The following UPF2 variants were observed in gnomAD, a reference collection of about 807,000 sequenced individuals.
The protein encoded by UPF2 is UPF2 regulator of nonsense mediated mRNA decay.
In UPF2, 17 loss-of-function variants were observed where a neutral mutation model predicts 141.4. The observed-to-expected ratio is 0.12, with a 90% CI of 0.08 to 0.18. The LOEUF is 0.18. UPF2 is among the 10% of genes least tolerant of loss of function. The probability of loss-of-function intolerance (pLI) is 1.00; values close to 1 mark genes in which losing one functional copy is unlikely to be tolerated. For missense variants in UPF2, 1,152 were observed against 1,515.9 expected (o/e 0.76, Z 3.99); for synonymous variants, 540 against 498.0 (o/e 1.08, Z -1.12).
chr10:11,928,334 C>T (rs1832737791), intron 21 of UPF2, among the ~76,000 whole-genome samples: 1 of 151,436 alleles, frequency 6.6e-6, no homozygotes, highest in Non-Finnish European at 1.5e-5. Flanking sequence ...GAGATTCGGT[C>T]TCAAAAAAAA....
rs1160131484 is a variant in UPF2, at chr10:11,936,830, A to C, written c.3379-118T>G. ...TTAAAACACAACAATCATAAGAGCC[A>C]TAACAGTCAACAATTACAACCACCA... is the stretch of plus-strand genomic sequence containing the variant. On this transcript the variant is annotated intron_variant, in intron 18 of 21. Coordinates refer to ENST00000357604, the MANE Select transcript of UPF2 (RefSeq NM_015542.4). This position sits in a 1 kb window ranked among gnomAD's most constrained non-coding sequence, Gnocchi z 6.6. 22 of 989,358 alleles carry C rather than the reference A, an allele frequency of 2.2e-5. No individual in the cohort carries two copies. In the South Asian group the frequency reaches 2.6e-4, roughly 12 times the overall value. The allele number at this position is 989,358 out of a possible 1,614,324, so 61.3% of individuals were successfully genotyped here.
chr10:12,024,741 T>A (rs1004569397), intron 3 of UPF2, among the ~76,000 whole-genome samples: 1 of 151,802 alleles, frequency 6.6e-6, no homozygotes, highest in Non-Finnish European at 1.5e-5. Flanking sequence ...GAGATCAGCC[T>A]GAGCAACATA....
At chr10:11,986,051 A>AT (rs1165406664) in intron 8 of UPF2, among the ~76,000 whole-genome samples, 1 of 151,328 alleles carries the variant, frequency 6.6e-6, no homozygotes, top group Non-Finnish European at 1.5e-5. Context: ...AGCCCGGCTA[A>AT]TTTTTTGTAT....
intron 9 of UPF2, among the ~76,000 whole-genome samples, chr10:11,969,753 G>A (rs576497984): frequency 3.3e-5 from 5 of 152,194 alleles, no homozygotes; most frequent in Non-Finnish European, 5.9e-5. Context: ...CAGTTTTGCT[G>A]GATTTCAATC....
rs1832650454 is a variant in UPF2 at position 11,921,942 on chromosome 10, G to A, written c.3810-635C>T. ...GACCGTATTTGGAAACAAGGTTGCTGTAGACGTAATTACTTCAGATAAGGC... is the reference window on the plus strand; with the variant it reads ...GACCGTATTTGGAAACAAGGTTGCTATAGACGTAATTACTTCAGATAAGGC... On this transcript the variant is annotated intron_variant, in intron 21 of 21. Transcript: ENST00000357604. The surrounding 1 kb of genome is among the most constrained non-coding windows in gnomAD (Gnocchi z 5.9). Among the ~76,000 whole-genome samples, 1 of 152,216 alleles carries A rather than the reference G, an allele frequency of 6.6e-6. No individual in the cohort carries two copies. The highest frequency in any genetic ancestry group is 2.4e-5 in the African/African-American group (1 of 41,454).
chr10:11,967,286 A>G, intron 10 of UPF2, 55 bp downstream of exon 10: 2 of 1,028,588 alleles, frequency 1.9e-6, no homozygotes, highest in Admixed American at 3.1e-5. Flanking sequence ...TCCACCATTT[A>G]TAATTAAAAC....
At chr10:11,966,648 T>C (rs1833325878) in intron 10 of UPF2, among the ~76,000 whole-genome samples, 1 of 152,196 alleles carries the variant, frequency 6.6e-6, no homozygotes, top group Non-Finnish European at 1.5e-5. Context: ...GGTCTCGAAC[T>C]CCCGATCTCA....
At chr10:11,963,957 G>T in intron 11 of UPF2, 52 bp downstream of exon 11, 2 of 1,307,810 alleles carry the variant, frequency 1.5e-6, no homozygotes, top group Non-Finnish European at 2.2e-6. Context: ...AACCTCTGAA[G>T]CACAGGTAAA....
intron 1 of UPF2, among the ~76,000 whole-genome samples, chr10:12,041,424 G>A (rs1834731888): frequency 6.6e-6 from 1 of 152,112 alleles, no homozygotes; most frequent in Non-Finnish European, 1.5e-5. Flanking sequence ...CACTTGAACT[G>A]TATATTTTAT....
At chr10:12,023,834 T>C (rs1834361618) in intron 3 of UPF2, among the ~76,000 whole-genome samples, 1 of 151,456 alleles carries the variant, frequency 6.6e-6, no homozygotes, top group Admixed American at 6.6e-5. Flanking sequence ...CCACCAAAAA[T>C]ACAAAAAATT....
intron 10 of UPF2, among the ~76,000 whole-genome samples, chr10:11,966,171 T>G (rs930749634): frequency 6.6e-6 from 1 of 152,240 alleles, no homozygotes; most frequent in Non-Finnish European, 1.5e-5. Flanking sequence ...CTGTTGGATA[T>G]AGTATAAATT....
In UPF2 at chr10:11,921,406, C is replaced by T. The variant is rs1832642934; in HGVS notation, c.3810-99G>A. ...CGCTACCCACCACCACCAAGTCACT[C>T]CCCCAAGTTACAGGTGGCCCTGGCA... On this transcript the variant is annotated intron_variant, in intron 21 of 21. Coordinates refer to ENST00000357604, the MANE Select transcript of UPF2 (RefSeq NM_015542.4). This position sits in a 1 kb window ranked among gnomAD's most constrained non-coding sequence, Gnocchi z 5.9. 1.3e-6 allele frequency: 2 copies of T among 1,491,988 alleles called. No individual in the cohort carries two copies. The highest frequency in any genetic ancestry group is 1.4e-5 in the African/African-American group (1 of 72,276). 92.4% of individuals were successfully genotyped at this position (1,491,988 alleles called of 1,614,324 possible).
In UPF2 at chr10:11,998,940, A is replaced by G. The variant is rs189009239; in HGVS notation, c.1758+966T>C. 3.8e-3 allele frequency among the ~76,000 whole-genome samples: 578 copies of G among 150,132 alleles called. 1 individual carries two copies. The highest frequency in any genetic ancestry group is 0.013 in the African/African-American group (544 of 40,922). On this transcript the variant is annotated intron_variant, in intron 7 of 21. Transcript: ENST00000357604. The surrounding 1 kb of genome is among the most constrained non-coding windows in gnomAD (Gnocchi z 4.5). ...CTCAGGAGGCTGAGGCAGGAGAATC[A>G]CTTGAATCTGGGAGACAAAGGTTGC... is the stretch of plus-strand genomic sequence containing the variant.
chr10:11,920,777 C>T lies in UPF2; in HGVS notation c.*521G>A. On this transcript the variant is annotated 3_prime_UTR_variant, in exon 22 of 22. Transcript: ENST00000357604. ...GGATATCTTTCATCATTTTGTTGTC[C>T]TGCATGTAAGTTTTACTAGAAGATT... 3.5e-6 allele frequency: 1 copy of T among 283,158 alleles called. No individual in the cohort carries two copies. The highest frequency in any genetic ancestry group is 7.0e-6 in the Non-Finnish European group (1 of 142,016). 17.5% of individuals were successfully genotyped at this position (283,158 alleles called of 1,614,324 possible). A position where few individuals can be genotyped will look rare whatever the true frequency, so the allele number is the denominator to read the frequency against.
At chr10:11,995,983 G>A (rs928903914) in intron 8 of UPF2, among the ~76,000 whole-genome samples, 4 of 152,002 alleles carry the variant, frequency 2.6e-5, no homozygotes, top group African/African-American at 7.2e-5. Context: ...GACTCAATCA[G>A]TCAGTTCCAC....
chr10:12,037,818 C>T lies in UPF2; in HGVS notation c.-18-2377G>A, dbSNP rs183715026. On this transcript the variant is annotated intron_variant, in intron 1 of 21. Coordinates refer to ENST00000357604, the MANE Select transcript of UPF2 (RefSeq NM_015542.4). ...TTGTAATATTGATATTTTTTAAATACAAAAATACTTTACTTCAGTACTCTA... is the reference window on the plus strand; with the variant it reads ...TTGTAATATTGATATTTTTTAAATATAAAAATACTTTACTTCAGTACTCTA... Among the ~76,000 whole-genome samples, 146 of 152,100 alleles carry T rather than the reference C, an allele frequency of 9.6e-4. 2 individuals are homozygous for T. The East Asian group carries it at 0.024, about 25-fold the overall frequency.
intron 8 of UPF2, among the ~76,000 whole-genome samples, chr10:11,993,878 A>G (rs2131254622): frequency 6.6e-6 from 1 of 152,258 alleles, no homozygotes; most frequent in South Asian, 2.1e-4. Flanking sequence ...GGTCCCGGCT[A>G]CTTGCGAGGC....
rs1026581057 is a variant in UPF2, at chr10:11,979,730, C to T, written c.1845-565G>A. 6.6e-6 allele frequency among the ~76,000 whole-genome samples: 1 copy of T among 152,096 alleles called. No homozygotes were observed. The highest frequency in any genetic ancestry group is 1.5e-5 in the Non-Finnish European group (1 of 68,022). ...GACTATCCTGGCTAACACGGTGAAA[C>T]CCCGTCTCTACTAAAAATAAAAAAA... is the stretch of plus-strand genomic sequence containing the variant. On this transcript the variant is annotated intron_variant, in intron 8 of 21. Transcript: ENST00000357604. This position sits in a 1 kb window ranked among gnomAD's most constrained non-coding sequence, Gnocchi z 6.2.
rs1833558222 is a variant in UPF2 at position 11,979,504 on chromosome 10, T to C, written c.1845-339A>G. Among the ~76,000 whole-genome samples, 1 of 152,224 alleles carries C rather than the reference T, an allele frequency of 6.6e-6. No homozygotes were observed. Among genetic ancestry groups the C allele is most frequent in the African/African-American group, 2.4e-5 (1 of 41,458 alleles). On this transcript the variant is annotated intron_variant, in intron 8 of 21. Coordinates refer to ENST00000357604, the MANE Select transcript of UPF2 (RefSeq NM_015542.4). This position sits in a 1 kb window ranked among gnomAD's most constrained non-coding sequence, Gnocchi z 6.2. ...CACATAATTACTGAGTAACTGCATA[T>C]TTACAAATCTCAAGGTAACTTCTCT...
Sources: allele counts gnomAD v4.1 joint callset (sites outside exome capture counted in the v4.1 genomes callset), GRCh38; gene constraint gnomAD v4.1.1; non-coding constraint Gnocchi (gnomAD v3.1); transcripts MANE v1.5; gene names NCBI Gene and HGNC (gene_info 2026-07-23, HGNC 2026-07-21).